Variants in HIF1A observed in about 807,000 individuals in gnomAD.
HIF1A encodes hypoxia-inducible factor 1-alpha.
A neutral mutation model predicts 92.7 loss-of-function variants in HIF1A; 24 were observed. The observed-to-expected ratio is 0.26, with a 90% CI of 0.19 to 0.36. The LOEUF is 0.36. Among genes scored for constraint, HIF1A ranks in the 10% least tolerant of loss-of-function variants. The pLI, the probability that HIF1A is intolerant of heterozygous loss-of-function variation, is 1.00. For missense variants in HIF1A, 799 were observed against 998.5 expected (o/e 0.80, Z 2.69); for synonymous variants, 319 against 338.7 (o/e 0.94, Z 0.64).
In HIF1A at chr14:61,740,736, T is replaced by C. The variant is rs150831075; in HGVS notation, c.1660-19T>C. On this transcript the variant is annotated intron_variant, in intron 11 of 14. Coordinates refer to ENST00000337138, the MANE Select transcript of HIF1A (RefSeq NM_001530.4). Reference sequence around the variant, plus strand: ...AAGGTGTGGCCATTGTAAAAACTCATGTATTTGCTGTTTTAAAGGACACAG... The same window carrying C: ...AAGGTGTGGCCATTGTAAAAACTCACGTATTTGCTGTTTTAAAGGACACAG... 3.1e-6 allele frequency: 5 copies of C among 1,589,044 alleles called. No individual in the cohort carries two copies. Among genetic ancestry groups the C allele is most frequent in the South Asian group, 1.1e-5 (1 of 87,682 alleles).
intron 1 of HIF1A, among the ~76,000 whole-genome samples, chr14:61,708,487 G>T (rs2044269063): frequency 6.6e-6 from 1 of 152,196 alleles, no homozygotes; most frequent in Admixed American, 6.5e-5. Flanking sequence ...AGCATAAGGT[G>T]TAAGGAAGGG....
At chr14:61,734,802 C>G (rs1049087387) in intron 8 of HIF1A, among the ~76,000 whole-genome samples, 1 of 152,132 alleles carries the variant, frequency 6.6e-6, no homozygotes, top group African/African-American at 2.4e-5. Context: ...AGGAGATATA[C>G]TTAATGTGAA....
rs762174521 is a variant in HIF1A, at chr14:61,740,817, A to T, written c.1722A>T (p.Leu574Phe). Residue 574 changes from leucine to phenylalanine, a missense_variant, in exon 12 of 15, where the codon TTA (leucine) becomes TTT (phenylalanine). Leu to Phe is a conservative substitution (Grantham distance 22). Coordinates refer to ENST00000337138, the MANE Select transcript of HIF1A (RefSeq NM_001530.4). ...TCCCAATGGATGATGACTTCCAGTT[A>T]CGTTCCTTCGATCAGTTGTCACCAT... is the stretch of plus-strand genomic sequence containing the variant. ...PYIPMDDDFQ[L>F]RSFDQLSPLE... is the part of the protein sequence containing the mutation. The T allele has an allele frequency of 1.7e-5, 27 of 1,614,168 alleles. No individual in the cohort carries two copies. Among genetic ancestry groups the T allele is most frequent in the Non-Finnish European group, 2.3e-5 (27 of 1,180,006 alleles).
rs181302865 is a variant in HIF1A, at chr14:61,734,564, G to T, written c.1028+279G>T. Among the ~76,000 whole-genome samples the T allele has an allele frequency of 1.1e-4, 17 of 152,138 alleles. No individual in the cohort carries two copies. In the East Asian group the frequency reaches 3.1e-3, roughly 28 times the overall value. On this transcript the variant is annotated intron_variant, in intron 8 of 14. Transcript: ENST00000337138. The stretch of plus-strand genomic sequence containing the variant: ...AATACCAGATCCATTGATTGGTTTG[G>T]TCTAATTATACAGATATCGGCATAT...
chr14:61,710,604 A>G (rs1159194448), intron 1 of HIF1A, among the ~76,000 whole-genome samples: 3 of 152,058 alleles, frequency 2.0e-5, no homozygotes, highest in Admixed American at 6.6e-5. Flanking sequence ...GGTTTTTGCT[A>G]TTTTTTCCAT....
chr14:61,696,903 A>C (rs1373216168), intron 1 of HIF1A, among the ~76,000 whole-genome samples: 1 of 152,210 alleles, frequency 6.6e-6, no homozygotes, highest in South Asian at 2.1e-4. Flanking sequence ...GTTTGAGTCT[A>C]AGGGGTACAT....
intron 5 of HIF1A, among the ~76,000 whole-genome samples, chr14:61,727,171 A>G (rs2140142570): frequency 6.6e-6 from 1 of 152,382 alleles, no homozygotes; most frequent in East Asian, 1.9e-4. Context: ...TGCAAGAAAT[A>G]ACTATCAAAC....
At chr14:61,706,199 A>G (rs868433832) in intron 1 of HIF1A, among the ~76,000 whole-genome samples, 1 of 152,152 alleles carries the variant, frequency 6.6e-6, no homozygotes, top group African/African-American at 2.4e-5. Flanking sequence ...TAGAGTAGGT[A>G]ATTTGGGGAA....
rs2044135813 is a variant in HIF1A, at chr14:61,698,009, A to G, written c.35+2170A>G. 8 of 1,025,474 alleles carry G rather than the reference A, an allele frequency of 7.8e-6. No homozygotes were observed. In the South Asian group the frequency reaches 8.9e-5, roughly 11 times the overall value. The allele number at this position is 1,025,474 out of a possible 1,614,324, so 63.5% of individuals were successfully genotyped here. On this transcript the variant is annotated intron_variant, in intron 1 of 14. Coordinates refer to ENST00000337138, the MANE Select transcript of HIF1A (RefSeq NM_001530.4). ...AGGACATTTCATGTTGTTCCTAGTT[A>G]TAGGGGCTGAACTTATTTAATAGCA...
chr14:61,736,229 A>C (rs1250600241), intron 8 of HIF1A, among the ~76,000 whole-genome samples: 2 of 152,150 alleles, frequency 1.3e-5, no homozygotes, highest in African/African-American at 4.8e-5. Flanking sequence ...CACCCGCCTC[A>C]GCCTCCCAAA....
chr14:61,741,598 A>C (rs1200801159), intron 12 of HIF1A, among the ~76,000 whole-genome samples: 1 of 151,558 alleles, frequency 6.6e-6, no homozygotes, highest in African/African-American at 2.4e-5. Flanking sequence ...CAAACTCCCG[A>C]CTTCAGGTGA....
At chr14:61,724,349 T>TCTCTCTCTCTCTCTCTC (rs1555338397) in intron 4 of HIF1A, among the ~76,000 whole-genome samples, 29 of 96,112 alleles carry the variant, frequency 3.0e-4, no homozygotes, top group South Asian at 8.6e-4. Context: ...CACACACACA[T>TCTCTCTCTCTCTCTCTC]TCTCTCTCTC....
intron 1 of HIF1A, among the ~76,000 whole-genome samples, chr14:61,716,396 G>A (rs1204329326): frequency 2.0e-5 from 3 of 152,122 alleles, no homozygotes; most frequent in Admixed American, 2.0e-4. Flanking sequence ...TTCAAGGCCA[G>A]AAAGAGTTAT....
intron 5 of HIF1A, among the ~76,000 whole-genome samples, 195 bp downstream of exon 5, chr14:61,727,013 A>G (rs1318809118): frequency 6.6e-6 from 1 of 152,260 alleles, no homozygotes; most frequent in Non-Finnish European, 1.5e-5. Context: ...TTTGAGGCAC[A>G]AACTTAAATT....
intron 1 of HIF1A, among the ~76,000 whole-genome samples, chr14:61,719,825 G>A (rs1260902362): frequency 6.6e-6 from 1 of 152,174 alleles, no homozygotes; most frequent in African/African-American, 2.4e-5. Flanking sequence ...GCTTATAGCT[G>A]CTAATGTCAG....
intron 12 of HIF1A, among the ~76,000 whole-genome samples, chr14:61,742,563 ATGACCTAATG>A (rs2044724982): frequency 6.6e-6 from 1 of 152,154 alleles, no homozygotes; most frequent in Admixed American, 6.5e-5. Context: ...TACTTAGCTC[ATGACCTAATG>A]TGTAGTACTT....
Position 61,741,099 on chromosome 14 carries a change from A to T in HIF1A, c.2004A>T (p.Ser668=), listed in dbSNP as rs754679957. The T allele has an allele frequency of 3.7e-6, 6 of 1,614,028 alleles. No individual in the cohort carries two copies. Among genetic ancestry groups the T allele is most frequent in the Non-Finnish European group, 5.1e-6 (6 of 1,179,956 alleles). The change falls in exon 12 of 15, where the codon TCA becomes TCT. Residue 668 remains serine, a synonymous_variant. Coordinates refer to ENST00000337138, the MANE Select transcript of HIF1A (RefSeq NM_001530.4). ...PYRDTQSRTA[S]PNRAGKGVIE... ...GAGATACTCAAAGTCGGACAGCCTC[A>T]CCAAACAGAGCAGGAAAAGGAGTCA...
At chr14:61,717,814 GAGTTTGAGA>G (rs1437915041) in intron 1 of HIF1A, among the ~76,000 whole-genome samples, 2 of 152,036 alleles carry the variant, frequency 1.3e-5, no homozygotes, top group Non-Finnish European at 2.9e-5. Context: ...TTGAGGTCTG[GAGTTTGAGA>G]CAAGCCTGGC....
chr14:61,740,783 C>T lies in HIF1A; in HGVS notation c.1688C>T (p.Ala563Val). The T allele has an allele frequency of 6.2e-7, 1 of 1,613,242 alleles. No individual in the cohort carries two copies. Among genetic ancestry groups the T allele is most frequent in the Non-Finnish European group, 8.5e-7 (1 of 1,179,632 alleles). Residue 563 changes from alanine (A) to valine (V), a missense_variant, in exon 12 of 15, where the codon GCT (alanine) becomes GTT (valine). Coordinates refer to ENST00000337138, the MANE Select transcript of HIF1A (RefSeq NM_001530.4). ...QDTDLDLEML[A>V]PYIPMDDDFQ... ...ACAGATTTAGACTTGGAGATGTTAG[C>T]TCCCTATATCCCAATGGATGATGAC...
Sources: gnomAD v4.1 joint callset for allele counts (sites outside exome capture counted in the v4.1 genomes callset) on GRCh38, gnomAD v4.1.1 for gene constraint, MANE v1.5 for transcripts, NCBI Gene and HGNC (gene_info 2026-07-23, HGNC 2026-07-21) for gene names.